Variants in KLHL30 observed in about 807,000 individuals in gnomAD.
KLHL30 encodes kelch like family member 30, also known as kelch-like protein 30.
KLHL30 carries 55 observed loss-of-function variants against 55.0 expected under a neutral mutation model. The observed-to-expected ratio is 1.00, with a 90% confidence interval of 0.80 to 1.25. KLHL30 has a LOEUF of 1.25. Among genes scored for constraint, KLHL30 ranks in the 50% most tolerant of loss-of-function variants. The pLI is 0.00. For synonymous variants in KLHL30, 356 were observed against 372.6 expected, an observed-to-expected ratio of 0.96 and a Z score of 0.51; for missense variants, 786 against 811.6, an observed-to-expected ratio of 0.97 and a Z score of 0.38.
At position 238,142,714 on chromosome 2, in the gene KLHL30, A is replaced by G. The variant is rs1032453874; in HGVS notation, c.775-85A>G. ...AACATGCAAGCACACATGCACTCAC[A>G]TGCTGAGGCCTGCCCAGGACACGCG... On this transcript the variant is annotated intron_variant, in intron 2 of 7. Coordinates refer to ENST00000409223, the MANE Select transcript of KLHL30 (RefSeq NM_198582.4). 1.6e-5 allele frequency: 20 copies of G among 1,276,146 alleles called. No individual in the cohort carries two copies. The Middle Eastern group carries it at 8.7e-4, about 56-fold the overall frequency. The allele number at this position is 1,276,146 out of a possible 1,614,324, so 79.1% of individuals were successfully genotyped here. A position where few individuals can be genotyped will look rare whatever the true frequency, so the allele number is the denominator to read the frequency against.
rs1239219668 is a variant in KLHL30 at position 238,145,943 on chromosome 2, C to G, written c.1150+111C>G. On this transcript the variant is annotated intron_variant, in intron 5 of 7. Coordinates refer to ENST00000409223, the MANE Select transcript of KLHL30 (RefSeq NM_198582.4). ...CCTCGGAGACCACGGAGATGCCGCT[C>G]CCACTGCCACCCTCAGGGCTCGCTG... 5 of 1,221,006 alleles carry G rather than the reference C, an allele frequency of 4.1e-6. No homozygotes were observed. The African/African-American group carries it at 6.1e-5, about 15-fold the overall frequency. 75.6% of individuals were successfully genotyped at this position (1,221,006 alleles called of 1,614,324 possible).
chr2:238,142,086 G>A (rs1304328571), intron 2 of KLHL30, among the ~76,000 whole-genome samples: 1 of 152,244 alleles, frequency 6.6e-6, no homozygotes, highest in Non-Finnish European at 1.5e-5. Flanking sequence ...TGCCTGGCAG[G>A]CATGGCAGGT....
chr2:238,149,106 C>T lies in KLHL30; in HGVS notation c.1439C>T (p.Thr480Ile), dbSNP rs1692701937. The T allele has an allele frequency of 1.3e-5, 21 of 1,613,164 alleles. No homozygotes were observed. The highest frequency in any genetic ancestry group is 1.8e-5 in the Non-Finnish European group (21 of 1,179,848). ...HGELYLIGDN[T>I]KKVYVYDPGA... ...GAGCTCTACCTCATTGGGGACAACA[C>T]CAAGAAGGTCTACGTGTACGACCCC... Residue 480 changes from threonine (T) to isoleucine (I), a missense_variant, in exon 7 of 8, where the codon ACC (threonine) becomes ATC (isoleucine). Transcript: ENST00000409223.
In KLHL30 at chr2:238,144,395, G is replaced by GC. The variant is rs1489653105; in HGVS notation, c.908-507_908-506insC. Among the ~76,000 whole-genome samples, 10 of 102,370 alleles carry GC rather than the reference G, an allele frequency of 9.8e-5. No homozygotes were observed. The East Asian group carries it at 1.8e-3, about 19-fold the overall frequency. 67.2% of individuals were successfully genotyped at this position (102,370 alleles called of 152,430 possible). A position where few individuals can be genotyped will look rare whatever the true frequency, so the allele number is the denominator to read the frequency against. ...GGAAGGAAGGAAGGAAGGAAGGAAG[G>GC]AAGGAAGGAAGGAAGGAAGGAAGGA... is the stretch of plus-strand genomic sequence containing the variant. On this transcript the variant is annotated intron_variant, in intron 3 of 7. Coordinates refer to ENST00000409223, the MANE Select transcript of KLHL30 (RefSeq NM_198582.4).
chr2:238,147,960 T>C lies in KLHL30; in HGVS notation c.1277T>C (p.Leu426Pro). The change falls in exon 6 of 8, where the codon CTG becomes CCG. Residue 426 changes from leucine (L) to proline (P), a missense_variant. Leu to Pro is a moderately conservative substitution (Grantham distance 98, BLOSUM62 -3). Transcript: ENST00000409223. This position sits in a 1 kb window ranked among gnomAD's most constrained non-coding sequence, Gnocchi z 5.8. ...SAAGCRGRLYLVGSSACKYNA... is the reference protein window; with the variant it reads ...SAAGCRGRLYPVGSSACKYNA... ...GCCGGCTGCCGGGGCCGGCTCTACC[T>C]GGTGGGCTCCAGCGCCTGCAAGTAC... 1 of 1,575,366 alleles carries C rather than the reference T, an allele frequency of 6.3e-7. No homozygotes were observed. Among genetic ancestry groups the C allele is most frequent in the Non-Finnish European group, 8.6e-7 (1 of 1,162,076 alleles).
intron 1 of KLHL30, among the ~76,000 whole-genome samples, chr2:238,139,360 T>A (rs1348628058): frequency 1.3e-5 from 2 of 152,190 alleles, no homozygotes; most frequent in African/African-American, 4.8e-5. Context: ...AGAGCCGCCT[T>A]CACCGGGGCC....
chr2:238,148,565 C>T (rs944634022), intron 6 of KLHL30, among the ~76,000 whole-genome samples: 2 of 148,690 alleles, frequency 1.3e-5, no homozygotes, highest in Non-Finnish European at 3.0e-5. Flanking sequence ...TGTTCTGAGG[C>T]GTGGATGTGA....
rs745649884 is a variant in KLHL30 at position 238,141,125 on chromosome 2, G to A, written c.371G>A (p.Arg124His). The A allele has an allele frequency of 1.6e-5, 26 of 1,610,740 alleles. No homozygotes were observed. Among genetic ancestry groups the A allele is most frequent in the Admixed American group, 1.3e-4 (8 of 59,884 alleles). The change falls in exon 2 of 8, where the codon CGC becomes CAC. Residue 124 changes from arginine to histidine, a missense_variant. Physicochemically the swap from Arg to His is conservative, Grantham distance 29. Transcript: ENST00000409223. ...HFPSVQKVCG[R>H]YLQQQLDAAN... is the part of the protein sequence containing the mutation. ...CCCTCGGTGCAGAAGGTCTGCGGCC[G>A]CTACCTGCAGCAGCAACTGGATGCC...
Position 238,141,339 on chromosome 2 carries a change from C to T in KLHL30, c.585C>T (p.Ser195=). The T allele has an allele frequency of 6.3e-7, 1 of 1,596,232 alleles. No individual in the cohort carries two copies. Among genetic ancestry groups the T allele is most frequent in the South Asian group, 1.1e-5 (1 of 90,072 alleles). The change falls in exon 2 of 8, where the codon AGC becomes AGT. Residue 195 remains serine, a synonymous_variant. Transcript: ENST00000409223. The stretch of plus-strand genomic sequence containing the variant: ...TGCTGCAGGTACAGCCGGAGCAAAG[C>T]CGACTCGAGGCCCTGATGCGCTGGG... ...GDLLQVQPEQ[S]RLEALMRWVR... is the part of the protein sequence containing the mutation.
rs556457723 is a variant in KLHL30 at position 238,140,879 on chromosome 2, G to T, written c.125G>T (p.Arg42Leu). 1.2e-6 allele frequency: 2 copies of T among 1,611,102 alleles called. No individual in the cohort carries two copies. The highest frequency in any genetic ancestry group is 1.3e-5 in the African/African-American group (1 of 75,038). The change falls in exon 2 of 8, where the codon CGG becomes CTG. Residue 42 changes from arginine to leucine, a missense_variant. By Grantham distance (102) the Arg-to-Leu change is moderately radical (BLOSUM62 -2). Transcript: ENST00000409223. ...LADVTLLVGGRELPCHRGLLA... is the reference protein window; with the variant it reads ...LADVTLLVGGLELPCHRGLLA... ...GACGTCACACTGCTGGTGGGCGGCC[G>T]GGAGCTGCCATGCCACCGCGGCCTC...
At chr2:238,139,715 C>T (rs927972057) in intron 1 of KLHL30, among the ~76,000 whole-genome samples, 2 of 152,216 alleles carry the variant, frequency 1.3e-5, no homozygotes, top group South Asian at 2.1e-4. Context: ...TGTGGACGCG[C>T]GGCCGCCTCT....
chr2:238,148,302 TG>T (rs1197463807), intron 6 of KLHL30, among the ~76,000 whole-genome samples: 1 of 124,698 alleles, frequency 8.0e-6, no homozygotes, highest in Non-Finnish European at 1.7e-5. Flanking sequence ...GGGCTGGGGC[TG>T]GGGGTGGGGG....
rs147398695 is a variant in KLHL30 at position 238,144,069 on chromosome 2, C to A, written c.908-833C>A. Among the ~76,000 whole-genome samples, 863 of 152,352 alleles carry A rather than the reference C, an allele frequency of 5.7e-3. 10 individuals are homozygous for A. The highest frequency in any genetic ancestry group is 0.02 in the African/African-American group (824 of 41,582). On this transcript the variant is annotated intron_variant, in intron 3 of 7. Transcript: ENST00000409223. The stretch of plus-strand genomic sequence containing the variant: ...TTGATTTTCCAAAGCATTTTCTCAT[C>A]TCTTGCCTCAGTTTACCTCTTGTAG...
rs570712143 is a variant in KLHL30, at chr2:238,140,988, C to T, written c.234C>T (p.Asp78=). 311 of 1,612,464 alleles carry T rather than the reference C, an allele frequency of 1.9e-4. 5 individuals are homozygous for T. In the South Asian group the frequency reaches 3.0e-3, roughly 15 times the overall value. Residue 78 remains aspartate, a synonymous_variant, in exon 2 of 8, where the codon GAC becomes GAT. Coordinates refer to ENST00000409223, the MANE Select transcript of KLHL30 (RefSeq NM_198582.4). ...ESFSARVELR[D]VEPAVVGQLV... is the part of the protein sequence containing the mutation. ...TCTCTGCGCGCGTGGAGCTGCGGGA[C>T]GTGGAGCCCGCCGTGGTGGGACAAC...
chr2:238,144,789 G>A (rs1457708730), intron 3 of KLHL30, 113 bp from the exon 4 acceptor site: 2 of 792,308 alleles, frequency 2.5e-6, no homozygotes, highest in Admixed American at 4.1e-5. Context: ...CCCCACCAGT[G>A]AGGGGGGCAT....
In KLHL30 at chr2:238,152,238, C is replaced by T. The variant is rs1269551665; in HGVS notation, c.*1173C>T. 4.1e-6 allele frequency: 4 copies of T among 985,244 alleles called. No individual in the cohort carries two copies. The highest frequency in any genetic ancestry group is 1.7e-5 in the African/African-American group (1 of 57,244). 61.0% of individuals were successfully genotyped at this position (985,244 alleles called of 1,614,324 possible). A position where few individuals can be genotyped will look rare whatever the true frequency, so the allele number is the denominator to read the frequency against. ...CAGCCCCTGGGTTCCTCCTTAACAC[C>T]CCCCGCCCCTGGGGACCAGAGGGGC... On this transcript the variant is annotated 3_prime_UTR_variant, in exon 8 of 8. Coordinates refer to ENST00000409223, the MANE Select transcript of KLHL30 (RefSeq NM_198582.4).
Position 238,151,511 on chromosome 2 carries a change from G to GC in KLHL30, c.*446_*447insC. On this transcript the variant is annotated 3_prime_UTR_variant, in exon 8 of 8. Transcript: ENST00000409223. ...CTGGGGAAGGCAGGCCCCGGAGATG[G>GC]GATCAGCACCAGGTCCTCGTGGGCC... 2 of 201,604 alleles carry GC rather than the reference G, an allele frequency of 9.9e-6. No individual in the cohort carries two copies. Among genetic ancestry groups the GC allele is most frequent in the East Asian group, 1.3e-4 (1 of 7,672 alleles). 12.5% of individuals were successfully genotyped at this position (201,604 alleles called of 1,614,324 possible).
chr2:238,141,233 A>T lies in KLHL30; in HGVS notation c.479A>T (p.Glu160Val). 1 of 1,608,952 alleles carries T rather than the reference A, an allele frequency of 6.2e-7. No individual in the cohort carries two copies. Residue 160 changes from glutamate to valine, a missense_variant, in exon 2 of 8, where the codon GAG (glutamate) becomes GTG (valine). Glu to Val is a moderately radical substitution (Grantham distance 121, BLOSUM62 -2). Coordinates refer to ENST00000409223, the MANE Select transcript of KLHL30 (RefSeq NM_198582.4). ...VAAKAWAFLR[E>V]NFEAVAREDE... ...GCCAAGGCCTGGGCCTTCCTGCGAG[A>T]GAACTTTGAGGCTGTGGCACGTGAG... is the stretch of plus-strand genomic sequence containing the variant.
In KLHL30 at chr2:238,141,462, G is replaced by A. The variant is rs1383144638; in HGVS notation, c.708G>A (p.Leu236=). The A allele has an allele frequency of 1.3e-6, 2 of 1,526,324 alleles. No individual in the cohort carries two copies. Among genetic ancestry groups the A allele is most frequent in the South Asian group, 2.4e-5 (2 of 82,022 alleles). 94.5% of individuals were successfully genotyped at this position (1,526,324 alleles called of 1,614,324 possible). The change falls in exon 2 of 8, where the codon CTG becomes CTA. Residue 236 remains leucine, a synonymous_variant. Transcript: ENST00000409223. The part of the protein sequence containing the change: ...AVPRPCVQQL[L]ASEPLIQESE... ...CCAGGCCCTGCGTGCAGCAACTGCTGGCCTCAGAGCCCCTGATCCAGGAGT... is the reference window on the plus strand; with the variant it reads ...CCAGGCCCTGCGTGCAGCAACTGCTAGCCTCAGAGCCCCTGATCCAGGAGT...
Sources: gnomAD v4.1 joint callset for allele counts (sites outside exome capture counted in the v4.1 genomes callset) on GRCh38, gnomAD v4.1.1 for gene constraint, Gnocchi (gnomAD v3.1) non-coding constraint, MANE v1.5 for transcripts, NCBI Gene and HGNC (gene_info 2026-07-23, HGNC 2026-07-21) for gene names.